Variants in GLCCI1 observed in about 807,000 individuals in gnomAD.
GLCCI1 encodes the protein glucocorticoid-induced transcript 1 protein.
A neutral mutation model predicts 52.2 loss-of-function variants in GLCCI1; 24 were observed. That is an observed-to-expected ratio of 0.46 (90% CI 0.33 to 0.65). The LOEUF is 0.65. Among genes scored for constraint, GLCCI1 ranks in the 30% least tolerant of loss-of-function variants. GLCCI1 has a pLI of 0.02. For missense variants in GLCCI1, 704 were observed against 701.5 expected, an observed-to-expected ratio of 1.00 and a Z score of -0.04; for synonymous variants, 310 against 276.5, an observed-to-expected ratio of 1.12 and a Z score of -1.20.
At chr7:8,015,339 C>T (rs561548845) in intron 2 of GLCCI1, among the ~76,000 whole-genome samples, 1 of 152,320 alleles carries the variant, frequency 6.6e-6, no homozygotes, top group African/African-American at 2.4e-5. Flanking sequence ...CTTTATACAG[C>T]TGTCTGAGTT....
chr7:8,086,484 G>A lies in GLCCI1; in HGVS notation c.1590G>A (p.Leu530=). 2 of 1,613,942 alleles carry A rather than the reference G, an allele frequency of 1.2e-6. No individual in the cohort carries two copies. The highest frequency in any genetic ancestry group is 1.7e-6 in the Non-Finnish European group (2 of 1,179,936). ...AGCCATCCCAGCAGCAGCAGCTCCT[G>A]CAGGAACTGCAGGGTGAGGACCACA... ...VQQPSQQQQL[L]QELQGEDHIS... is the part of the protein sequence containing the mutation. The change falls in exon 8 of 8, where the codon CTG becomes CTA. Residue 530 remains leucine, a synonymous_variant. Coordinates refer to ENST00000223145, the MANE Select transcript of GLCCI1 (RefSeq NM_138426.4). The surrounding 1 kb of genome is among the most constrained non-coding windows in gnomAD (Gnocchi z 4.4).
At position 7,974,768 on chromosome 7, in the gene GLCCI1, C is replaced by T. The variant is rs1780428143; in HGVS notation, c.457+4961C>T. Among the ~76,000 whole-genome samples, 5 of 152,072 alleles carry T rather than the reference C, an allele frequency of 3.3e-5. No individual in the cohort carries two copies. The South Asian group carries it at 1.0e-3, about 31-fold the overall frequency. On this transcript the variant is annotated intron_variant, in intron 1 of 7. Coordinates refer to ENST00000223145, the MANE Select transcript of GLCCI1 (RefSeq NM_138426.4). ...AAGAGTATAGTCTAATGACTTAGTTCTTCTTAATTTTAGTTTGGTCTTTTC... is the reference window on the plus strand; with the variant it reads ...AAGAGTATAGTCTAATGACTTAGTTTTTCTTAATTTTAGTTTGGTCTTTTC...
chr7:7,969,382 G>A lies in GLCCI1; in HGVS notation c.32G>A (p.Ser11Asn). 1.4e-6 allele frequency: 2 copies of A among 1,470,126 alleles called. No homozygotes were observed. The highest frequency in any genetic ancestry group is 2.1e-5 in the Admixed American group (1 of 47,178). 91.1% of individuals were successfully genotyped at this position (1,470,126 alleles called of 1,614,324 possible). A position where few individuals can be genotyped will look rare whatever the true frequency, so the allele number is the denominator to read the frequency against. The change falls in exon 1 of 8, where the codon AGT becomes AAT. Residue 11 changes from serine (S) to asparagine (N), a missense_variant. Coordinates refer to ENST00000223145, the MANE Select transcript of GLCCI1 (RefSeq NM_138426.4). This position sits in a 1 kb window ranked among gnomAD's most constrained non-coding sequence, Gnocchi z 4.9. The part of the protein sequence containing the change: MSTASSSSSS[S>N]SSQTPHPPSQ... The stretch of plus-strand genomic sequence containing the variant: ...ACTGCCTCCTCCTCCTCCTCCTCCA[G>A]TTCCTCTCAGACCCCTCATCCCCCG...
intron 1 of GLCCI1, among the ~76,000 whole-genome samples, chr7:7,994,575 T>C (rs1780903300): frequency 6.6e-6 from 1 of 152,180 alleles, no homozygotes; most frequent in African/African-American, 2.4e-5. Flanking sequence ...TGTAATAGCA[T>C]TAATGCATTC....
At chr7:7,973,432 G>GTA (rs1216632349) in intron 1 of GLCCI1, among the ~76,000 whole-genome samples, 26 of 151,946 alleles carry the variant, frequency 1.7e-4, no homozygotes, top group African/African-American at 6.3e-4. Flanking sequence ...GTGTGTGTGT[G>GTA]TGTGTGTGTT....
At chr7:8,015,598 A>T (rs1200007401) in intron 2 of GLCCI1, among the ~76,000 whole-genome samples, 1 of 152,204 alleles carries the variant, frequency 6.6e-6, no homozygotes, top group African/African-American at 2.4e-5. Context: ...AGGATTGTAG[A>T]ATCCTAGAGT....
intron 1 of GLCCI1, among the ~76,000 whole-genome samples, chr7:7,998,172 TTTTG>T (rs1466723210): frequency 1.7e-3 from 116 of 66,484 alleles, no homozygotes; most frequent in African/African-American, 0.01. Flanking sequence ...AGGTAGTTTT[TTTTG>T]TTTTTTTTTT....
At chr7:8,037,052 A>T (rs1242831387) in intron 3 of GLCCI1, among the ~76,000 whole-genome samples, 1 of 152,048 alleles carries the variant, frequency 6.6e-6, no homozygotes, top group Non-Finnish European at 1.5e-5. Flanking sequence ...GGCTCAAGGA[A>T]ATCCAAAAGA....
chr7:7,990,979 T>C (rs1780829741), intron 1 of GLCCI1, among the ~76,000 whole-genome samples: 1 of 152,088 alleles, frequency 6.6e-6, no homozygotes, highest in Non-Finnish European at 1.5e-5. Context: ...TGAGCTATAT[T>C]TAATTTACTA....
rs377039851 is a variant in GLCCI1 at position 8,072,475 on chromosome 7, TA to T, written c.1177+1348del. On this transcript the variant is annotated intron_variant, in intron 6 of 7. Coordinates refer to ENST00000223145, the MANE Select transcript of GLCCI1 (RefSeq NM_138426.4). Reference sequence around the variant, plus strand: ...CTTCATGTGGGAAGTCTCCATTTCTTAAAATGTCAGACTAGGAAATTTTCAT... The same window carrying T: ...CTTCATGTGGGAAGTCTCCATTTCTTAAATGTCAGACTAGGAAATTTTCAT... Among the ~76,000 whole-genome samples the T allele has an allele frequency of 3.3e-4, 50 of 152,294 alleles. 1 individual carries two copies. The East Asian group carries it at 9.4e-3, about 29-fold the overall frequency.
intron 5 of GLCCI1, among the ~76,000 whole-genome samples, chr7:8,062,934 G>A (rs751031379): frequency 4.6e-5 from 7 of 152,104 alleles, no homozygotes; most frequent in Non-Finnish European, 7.3e-5. Flanking sequence ...GAACATATGC[G>A]TGCATGTGTC....
chr7:8,046,856 G>A (rs1468431591), intron 3 of GLCCI1, among the ~76,000 whole-genome samples: 1 of 152,032 alleles, frequency 6.6e-6, no homozygotes, highest in Non-Finnish European at 1.5e-5. Context: ...TTTTTTTGTT[G>A]ACAGAGATAA....
chr7:8,071,070 C>A lies in GLCCI1; in HGVS notation c.1116C>A (p.Pro372=). Residue 372 remains proline, a synonymous_variant, in exon 6 of 8, where the codon CCC becomes CCA. Transcript: ENST00000223145. Reference sequence around the variant, plus strand: ...CACCCTGTGTCTCCCCTTTTTGTCCCCCGGAATCCCAGGATGGTAGCCCTT... The same window carrying A: ...CACCCTGTGTCTCCCCTTTTTGTCCACCGGAATCCCAGGATGGTAGCCCTT... ...SHSPCVSPFC[P]PESQDGSPCS... is the part of the protein sequence containing the mutation. 6.2e-7 allele frequency: 1 copy of A among 1,614,164 alleles called. No homozygotes were observed. Among genetic ancestry groups the A allele is most frequent in the Non-Finnish European group, 8.5e-7 (1 of 1,180,008 alleles).
chr7:8,050,262 C>T (rs1782228456), intron 3 of GLCCI1, among the ~76,000 whole-genome samples: 1 of 152,050 alleles, frequency 6.6e-6, no homozygotes. Flanking sequence ...TGTTTGTGTG[C>T]ATGTGTTGAA....
intron 2 of GLCCI1, among the ~76,000 whole-genome samples, chr7:8,010,289 C>A (rs991295340): frequency 2.6e-5 from 4 of 152,268 alleles, no homozygotes; most frequent in Non-Finnish European, 5.9e-5. Context: ...TGCCTTCTTG[C>A]TTCTTTCTTC....
In GLCCI1 at chr7:8,086,490, A is replaced by G. The variant is rs1174164306; in HGVS notation, c.1596A>G (p.Glu532=). The G allele has an allele frequency of 1.2e-6, 2 of 1,613,734 alleles. No individual in the cohort carries two copies. Among genetic ancestry groups the G allele is most frequent in the Non-Finnish European group, 1.7e-6 (2 of 1,179,856 alleles). The stretch of plus-strand genomic sequence containing the variant: ...CCCAGCAGCAGCAGCTCCTGCAGGA[A>G]CTGCAGGGTGAGGACCACATCTCTG... ...QPSQQQQLLQ[E]LQGEDHISAQ... The change falls in exon 8 of 8, where the codon GAA becomes GAG. Residue 532 remains glutamate (E), a synonymous_variant. Coordinates refer to ENST00000223145, the MANE Select transcript of GLCCI1 (RefSeq NM_138426.4). This position sits in a 1 kb window ranked among gnomAD's most constrained non-coding sequence, Gnocchi z 4.4.
chr7:7,981,705 A>T (rs1780625547), intron 1 of GLCCI1: 1 of 252,184 alleles, frequency 4.0e-6, no homozygotes, highest in Non-Finnish European at 7.9e-6. Context: ...GATTTTAGCC[A>T]GTCTGTTACA....
chr7:8,048,907 T>C (rs1018918814), intron 3 of GLCCI1, among the ~76,000 whole-genome samples: 3 of 152,198 alleles, frequency 2.0e-5, no homozygotes, highest in African/African-American at 7.2e-5. Context: ...GCTTTTACAA[T>C]AAGCAGTAAG....
rs756738313 is a variant in GLCCI1 at position 8,022,578 on chromosome 7, T to C, written c.696+9T>C. The C allele has an allele frequency of 6.5e-7, 1 of 1,539,774 alleles. No homozygotes were observed. Among genetic ancestry groups the C allele is most frequent in the Non-Finnish European group, 8.8e-7 (1 of 1,139,304 alleles). ...CTGATCAACTAAAAGAGGTAAGTTA[T>C]TTCTGTTTTCCGTCTGTAACCTGTT... On this transcript the variant is annotated intron_variant, in intron 3 of 7. Coordinates refer to ENST00000223145, the MANE Select transcript of GLCCI1 (RefSeq NM_138426.4).
Sources: allele counts gnomAD v4.1 joint callset (sites outside exome capture counted in the v4.1 genomes callset), GRCh38; gene constraint gnomAD v4.1.1; non-coding constraint Gnocchi (gnomAD v3.1); transcripts MANE v1.5; gene names NCBI Gene and HGNC (gene_info 2026-07-23, HGNC 2026-07-21).